The following BRINP3 variants were observed in gnomAD, a reference collection of about 807,000 sequenced individuals.
BRINP3 encodes BMP/retinoic acid-inducible neural-specific protein 3.
Under a neutral mutation model 71.0 loss-of-function variants are expected in BRINP3, and 19 were observed. The observed-to-expected ratio is 0.27, with a 90% CI of 0.19 to 0.39. BRINP3 has a LOEUF of 0.39. BRINP3 is among the 10% of genes least tolerant of loss of function. The pLI, the probability that BRINP3 is intolerant of heterozygous loss-of-function variation, is 1.00. For missense variants in BRINP3, 959 were observed against 940.8 expected (o/e 1.02, Z -0.25); for synonymous variants, 380 against 337.7 (o/e 1.13, Z -1.37).
chr1:190,355,082 A>G (rs1668644348), intron 2 of BRINP3, among the ~76,000 whole-genome samples: 1 of 151,910 alleles, frequency 6.6e-6, no homozygotes, highest in African/African-American at 2.4e-5. Context: ...TAAATCATAT[A>G]TGAGTATCTA....
intron 6 of BRINP3, among the ~76,000 whole-genome samples, chr1:190,181,352 C>A (rs1404265766): frequency 6.6e-6 from 1 of 151,936 alleles, no homozygotes; most frequent in Non-Finnish European, 1.5e-5. Flanking sequence ...TAGTTTTTGA[C>A]TACCGTAAAT....
intron 7 of BRINP3, among the ~76,000 whole-genome samples, chr1:190,118,985 G>T (rs2102309602): frequency 6.6e-6 from 1 of 151,936 alleles, no homozygotes; most frequent in Admixed American, 6.6e-5. Context: ...CTCAATTGTG[G>T]GAAAAGTTAT....
intron 2 of BRINP3, among the ~76,000 whole-genome samples, chr1:190,392,262 T>C (rs901593134): frequency 6.6e-6 from 1 of 151,740 alleles, no homozygotes; most frequent in Non-Finnish European, 1.5e-5. Context: ...GTTGCCTTAA[T>C]AATGTCAATA....
chr1:190,249,381 C>T (rs1379702781), intron 4 of BRINP3, among the ~76,000 whole-genome samples: 1 of 151,742 alleles, frequency 6.6e-6, no homozygotes, highest in African/African-American at 2.4e-5. Context: ...CTAGCAATTA[C>T]AGGATCACTT....
chr1:190,151,838 A>G (rs946437757), intron 7 of BRINP3, among the ~76,000 whole-genome samples: 4 of 152,194 alleles, frequency 2.6e-5, no homozygotes, highest in African/African-American at 4.8e-5. Context: ...TTTTACTGTG[A>G]TTGAAGTTAC....
chr1:190,103,057 C>T (rs1266340383), intron 7 of BRINP3, among the ~76,000 whole-genome samples: 2 of 152,044 alleles, frequency 1.3e-5, no homozygotes, highest in Non-Finnish European at 2.9e-5. Context: ...CCACAGGATA[C>T]ACATTATACA....
At chr1:190,378,973 T>TA (rs1414159087) in intron 2 of BRINP3, among the ~76,000 whole-genome samples, 1 of 152,200 alleles carries the variant, frequency 6.6e-6, no homozygotes, top group Non-Finnish European at 1.5e-5. Flanking sequence ...AAGTATTTTA[T>TA]ACCTGACCCA....
intron 4 of BRINP3, among the ~76,000 whole-genome samples, chr1:190,259,133 C>A (rs1421077506): frequency 6.6e-6 from 1 of 151,696 alleles, no homozygotes; most frequent in African/African-American, 2.4e-5. Flanking sequence ...AGGAATATTT[C>A]CCGATTCCTT....
At chr1:190,309,556 A>C (rs1020029401) in intron 2 of BRINP3, among the ~76,000 whole-genome samples, 1 of 151,836 alleles carries the variant, frequency 6.6e-6, no homozygotes. Context: ...TCCAACAAAA[A>C]TAATTTTCAA....
At chr1:190,204,832 G>C (rs1655351578) in intron 6 of BRINP3, among the ~76,000 whole-genome samples, 1 of 152,012 alleles carries the variant, frequency 6.6e-6, no homozygotes, top group Non-Finnish European at 1.5e-5. Flanking sequence ...TAAATACTGA[G>C]ATCAGCTGAA....
intron 2 of BRINP3, among the ~76,000 whole-genome samples, chr1:190,433,704 A>C (rs1172444001): frequency 1.3e-5 from 2 of 152,050 alleles, no homozygotes; most frequent in African/African-American, 2.4e-5. Flanking sequence ...ACCTCGTTCC[A>C]TTGTCTTCTG....
intron 6 of BRINP3, among the ~76,000 whole-genome samples, chr1:190,178,551 G>A (rs1166485071): frequency 5.9e-5 from 9 of 152,070 alleles, no homozygotes; most frequent in Non-Finnish European, 1.5e-5. Context: ...AAGAAATTAG[G>A]TAAAAATGTT....
Position 190,400,906 on chromosome 1 carries a change from C to T in BRINP3, c.236+53749G>A, listed in dbSNP as rs149686057. Among the ~76,000 whole-genome samples, 744 of 152,194 alleles carry T rather than the reference C, an allele frequency of 4.9e-3. 2 individuals carry two copies. The highest frequency in any genetic ancestry group is 7.6e-3 in the Non-Finnish European group (516 of 68,006). The stretch of plus-strand genomic sequence containing the variant: ...TATTTGTTGAGATTTAAGTGTAATA[C>T]CTATTTTGGTCTAATCAGACCTAAG... On this transcript the variant is annotated intron_variant, in intron 2 of 7. Coordinates refer to ENST00000367462, the MANE Select transcript of BRINP3 (RefSeq NM_199051.3).
intron 6 of BRINP3, among the ~76,000 whole-genome samples, chr1:190,211,362 G>A (rs181246838): frequency 5.3e-5 from 8 of 152,134 alleles, no homozygotes; most frequent in Admixed American, 3.9e-4. Context: ...AATACAGGTA[G>A]TATTTTTGTT....
chr1:190,338,888 G>A (rs1029909767), intron 2 of BRINP3, among the ~76,000 whole-genome samples: 4 of 151,896 alleles, frequency 2.6e-5, no homozygotes, highest in African/African-American at 9.6e-5. Flanking sequence ...ATATATTCTT[G>A]TTGTCAGTAA....
intron 2 of BRINP3, among the ~76,000 whole-genome samples, chr1:190,452,390 A>C (rs999576460): frequency 5.9e-5 from 9 of 152,224 alleles, no homozygotes; most frequent in Admixed American, 3.3e-4. Flanking sequence ...ACAAAGGTAA[A>C]GACATAGTAA....
chr1:190,389,288 C>T (rs1188315324), intron 2 of BRINP3, among the ~76,000 whole-genome samples: 1 of 151,726 alleles, frequency 6.6e-6, no homozygotes, highest in South Asian at 2.1e-4. Flanking sequence ...CTATTCCCTC[C>T]ATTCCCCCAT....
intron 6 of BRINP3, among the ~76,000 whole-genome samples, chr1:190,209,502 C>A (rs1218533420): frequency 1.3e-5 from 2 of 152,000 alleles, no homozygotes; most frequent in East Asian, 3.9e-4. Context: ...AGTCACATGG[C>A]CATACCTAAC....
At chr1:190,261,407 T>A (rs1384348856) in intron 4 of BRINP3, among the ~76,000 whole-genome samples, 3 of 137,614 alleles carry the variant, frequency 2.2e-5, no homozygotes, top group African/African-American at 8.0e-5. Flanking sequence ...AAGCTATGGA[T>A]GTTTGTGTCA....
Sources: gnomAD v4.1 joint callset for allele counts (sites outside exome capture counted in the v4.1 genomes callset) on GRCh38, gnomAD v4.1.1 for gene constraint, MANE v1.5 for transcripts, NCBI Gene and HGNC (gene_info 2026-07-23, HGNC 2026-07-21) for gene names.